FKBP15: variants seen among roughly 807,000 people sequenced by gnomAD.
FKBP15 encodes the protein FKBP prolyl isomerase family member 15.
In FKBP15, 106 loss-of-function variants were observed where a neutral mutation model predicts 158.1. That is an observed-to-expected ratio of 0.67 (90% confidence interval 0.57 to 0.79). The LOEUF (loss-of-function observed/expected upper bound fraction) is 0.79. FKBP15 is among the 30% of genes least tolerant of loss of function. The probability of loss-of-function intolerance (pLI) is 0.00; values close to 1 mark genes in which losing one functional copy is unlikely to be tolerated. For synonymous variants in FKBP15, 547 were observed against 548.6 expected, an observed-to-expected ratio of 1.00 and a Z score of 0.04; for missense variants, 1,287 against 1,479.1, an observed-to-expected ratio of 0.87 and a Z score of 2.13.
chr9:113,200,880 C>T (rs1158221473), intron 6 of FKBP15, among the ~76,000 whole-genome samples: 3 of 151,868 alleles, frequency 2.0e-5, no homozygotes, highest in Non-Finnish European at 2.9e-5. Context: ...CCTGTCTCTA[C>T]TAAAAATACA....
In FKBP15 at chr9:113,203,014, T is replaced by G. The variant is rs377055926; in HGVS notation, c.346A>C (p.Ser116Arg). 11 of 1,611,916 alleles carry G rather than the reference T, an allele frequency of 6.8e-6. No individual in the cohort carries two copies. Among genetic ancestry groups the G allele is most frequent in the South Asian group, 5.5e-5 (5 of 90,844 alleles). The change falls in exon 5 of 28, where the codon AGT becomes CGT. Residue 116 changes from serine (S) to arginine (R), a missense_variant. By Grantham distance (110) the Ser-to-Arg change is moderately radical. Transcript: ENST00000238256. ...GCAACCGTAACTGGCTGTTGTTGAC[T>G]GATATAAAGAAGAATCCTATACTGT... The part of the protein sequence containing the change: ...AREYRILLYI[S>R]QQQPVTVARI...
Position 113,198,697 on chromosome 9 carries a change from A to G in FKBP15, c.717+158T>C, listed in dbSNP as rs1830731703. Among the ~76,000 whole-genome samples the G allele has an allele frequency of 6.6e-6, 1 of 152,246 alleles. No individual in the cohort carries two copies. The highest frequency in any genetic ancestry group is 1.5e-5 in the Non-Finnish European group (1 of 68,044). On this transcript the variant is annotated intron_variant, in intron 8 of 27. Coordinates refer to ENST00000238256, the MANE Select transcript of FKBP15 (RefSeq NM_015258.2). The surrounding 1 kb of genome is among the most constrained non-coding windows in gnomAD (Gnocchi z 5.2). ...AACCTGGGAGGTGGAGGTTGCAATG[A>G]GCCAAGATCGTGCCATTGCACTCCA...
chr9:113,178,630 C>T lies in FKBP15; in HGVS notation c.2086G>A (p.Glu696Lys), dbSNP rs1452614033. The T allele has an allele frequency of 1.9e-6, 3 of 1,607,458 alleles. No homozygotes were observed. The highest frequency in any genetic ancestry group is 2.5e-6 in the Non-Finnish European group (3 of 1,177,434). Residue 696 changes from glutamate (E) to lysine (K), a missense_variant and splice_region_variant, in exon 20 of 28, where the codon GAG becomes AAG. By Grantham distance (56) the Glu-to-Lys change is moderately conservative. Coordinates refer to ENST00000238256, the MANE Select transcript of FKBP15 (RefSeq NM_015258.2). ...CCAGCATCCCCCACCTAGCACATAC[C>T]TGAGAGCTTTGCCTGCACTTTGGTG... is the stretch of plus-strand genomic sequence containing the variant. ...QLTKVQAKLS[E>K]LQETSEQAQS... is the part of the protein sequence containing the mutation.
intron 1 of FKBP15, among the ~76,000 whole-genome samples, chr9:113,217,773 C>G (rs146064135): frequency 0.011 from 1,692 of 152,136 alleles, 33 homozygotes; most frequent in African/African-American, 0.038. Context: ...CCCAGGAGTT[C>G]GAAGCTGCAG....
In FKBP15 at chr9:113,208,326, G is replaced by A. The variant is rs187406888; in HGVS notation, c.170-1030C>T. Reference sequence around the variant, plus strand: ...CACCCCAGCCTGGGTGATGGAATGAGACTCCGTCTCAAAAAAAACAAAAAA... The same window carrying A: ...CACCCCAGCCTGGGTGATGGAATGAAACTCCGTCTCAAAAAAAACAAAAAA... On this transcript the variant is annotated intron_variant, in intron 2 of 27. Transcript: ENST00000238256. Among the ~76,000 whole-genome samples, 404 of 152,008 alleles carry A rather than the reference G, an allele frequency of 2.7e-3. 2 individuals carry two copies. Among genetic ancestry groups the A allele is most frequent in the Non-Finnish European group, 4.7e-3 (319 of 67,986 alleles).
chr9:113,163,824 A>G lies in FKBP15; in HGVS notation c.*2254T>C, dbSNP rs976249427. ...CAAAAAGCTGCATCTAATAATGTTC[A>G]ATACTTAATATTCTCTATTTATTAC... On this transcript the variant is annotated 3_prime_UTR_variant, in exon 28 of 28. Transcript: ENST00000238256. 5.2e-5 allele frequency: 8 copies of G among 152,642 alleles called. No homozygotes were observed. The allele number at this position is 152,642 out of a possible 1,614,324, so 9.5% of individuals were successfully genotyped here. A position where few individuals can be genotyped will look rare whatever the true frequency, so the allele number is the denominator to read the frequency against.
chr9:113,211,258 A>G (rs1830995960), intron 2 of FKBP15, among the ~76,000 whole-genome samples: 1 of 152,212 alleles, frequency 6.6e-6, no homozygotes, highest in African/African-American at 2.4e-5. Flanking sequence ...TCCTGGGTTC[A>G]AGAGATCCTC....
intron 2 of FKBP15, among the ~76,000 whole-genome samples, chr9:113,209,577 G>A (rs72758243): frequency 0.32 from 48,047 of 152,096 alleles, 7,760 homozygotes; most frequent in Non-Finnish European, 0.33. Context: ...GGTATAATAT[G>A]AAATATGTTT....
intron 4 of FKBP15, among the ~76,000 whole-genome samples, chr9:113,205,024 T>C (rs187531425): frequency 1.3e-5 from 2 of 152,320 alleles, no homozygotes; most frequent in East Asian, 3.9e-4. Context: ...CAAGTAATTT[T>C]TTACCGTAGG....
At chr9:113,207,956 T>C (rs138648040) in intron 2 of FKBP15, among the ~76,000 whole-genome samples, 37 of 152,326 alleles carry the variant, frequency 2.4e-4, no homozygotes, top group Non-Finnish European at 4.6e-4. Flanking sequence ...ACAGCTATAA[T>C]ATATGAAAAT....
Position 113,196,913 on chromosome 9 carries a change from C to T in FKBP15, c.864+19G>A, listed in dbSNP as rs776157665. On this transcript the variant is annotated intron_variant, in intron 9 of 27. Coordinates refer to ENST00000238256, the MANE Select transcript of FKBP15 (RefSeq NM_015258.2). ...CAGGCAGAGGACTCATCAAACAAAA[C>T]ACAGAGAGTTTCACTCACCCGCCTA... 6.2e-7 allele frequency: 1 copy of T among 1,612,388 alleles called. No individual in the cohort carries two copies. The highest frequency in any genetic ancestry group is 1.1e-5 in the South Asian group (1 of 90,998).
At chr9:113,175,722 A>C (rs1357254656) in intron 21 of FKBP15, among the ~76,000 whole-genome samples, 1 of 152,248 alleles carries the variant, frequency 6.6e-6, no homozygotes. Context: ...GAAAAAGGAT[A>C]AAGGACACTA....
At chr9:113,189,323 G>C (rs1830535780) in intron 12 of FKBP15, among the ~76,000 whole-genome samples, 1 of 152,014 alleles carries the variant, frequency 6.6e-6, no homozygotes, top group Non-Finnish European at 1.5e-5. Context: ...GGAACACTGG[G>C]TTTCCTTTAA....
intron 2 of FKBP15, among the ~76,000 whole-genome samples, chr9:113,210,781 C>A (rs1830985985): frequency 6.6e-6 from 1 of 152,146 alleles, no homozygotes; most frequent in Admixed American, 6.5e-5. Context: ...ATAAGGCAGG[C>A]AGAAGAAGGT....
rs138430456 is a variant in FKBP15 at position 113,172,618 on chromosome 9, A to C, written c.2532+835T>G. 1.6e-3 allele frequency among the ~76,000 whole-genome samples: 239 copies of C among 152,330 alleles called. 3 individuals carry two copies. The highest frequency in any genetic ancestry group is 5.5e-3 in the African/African-American group (227 of 41,566). ...TCTATCTCCTCATCATTCGACTTCA[A>C]CGCAAAACTTCACTTTCTCTTTCCC... On this transcript the variant is annotated intron_variant, in intron 23 of 27. Coordinates refer to ENST00000238256, the MANE Select transcript of FKBP15 (RefSeq NM_015258.2).
chr9:113,220,495 C>T (rs1831228463), intron 1 of FKBP15, among the ~76,000 whole-genome samples: 1 of 152,160 alleles, frequency 6.6e-6, no homozygotes, highest in Non-Finnish European at 1.5e-5. Flanking sequence ...AAGTCTGTTA[C>T]GTTGGTTTTA....
intron 20 of FKBP15, 58 bp downstream of exon 20, chr9:113,178,571 CA>C: frequency 6.7e-7 from 1 of 1,486,690 alleles, no homozygotes; most frequent in Non-Finnish European, 9.0e-7. Context: ...AGGAAGAAAA[CA>C]GCTTAATTCC....
intron 1 of FKBP15, among the ~76,000 whole-genome samples, chr9:113,213,026 GAGA>G (rs899935493): frequency 3.3e-5 from 5 of 152,180 alleles, no homozygotes; most frequent in African/African-American, 9.7e-5. Context: ...AAGGATTCTA[GAGA>G]AGGACTCAAT....
chr9:113,168,314 C>G (rs1425070872), intron 27 of FKBP15, 146 bp downstream of exon 27: 1 of 661,850 alleles, frequency 1.5e-6, no homozygotes, highest in African/African-American at 1.8e-5. Context: ...CCCTCCCAGC[C>G]CAGCCCCAAG....
Sources: allele counts gnomAD v4.1 joint callset (sites outside exome capture counted in the v4.1 genomes callset), GRCh38; gene constraint gnomAD v4.1.1; non-coding constraint Gnocchi (gnomAD v3.1); transcripts MANE v1.5; gene names NCBI Gene and HGNC (gene_info 2026-07-23, HGNC 2026-07-21).